PAK3: variants seen among roughly 807,000 people sequenced by gnomAD.
PAK3 encodes p21 (RAC1) activated kinase 3.
A neutral mutation model predicts 41.0 loss-of-function variants in PAK3; 4 were observed. That is an observed-to-expected ratio of 0.10 (90% CI 0.05 to 0.22). PAK3 has a LOEUF of 0.22. Ranked by LOEUF, PAK3 falls within the 10% of genes least tolerant of loss-of-function variation. PAK3 has a pLI of 1.00. For missense variants in PAK3, 205 were observed against 409.9 expected, an observed-to-expected ratio of 0.50 and a Z score of 4.32; for synonymous variants, 146 against 139.6, an observed-to-expected ratio of 1.05 and a Z score of -0.32.
chrX:111,033,385 C>T (rs1432512167), intron 1 of PAK3, among the ~76,000 whole-genome samples: 2 of 112,064 alleles, frequency 1.8e-5, no homozygotes, highest in Admixed American at 9.5e-5. Flanking sequence ...GCCTAAATGT[C>T]GAGGTCAGGT....
At chrX:111,113,908 G>A (rs1416917061) in intron 4 of PAK3, among the ~76,000 whole-genome samples, 10 of 111,624 alleles carry the variant, frequency 9.0e-5, no homozygotes, top group Non-Finnish European at 1.9e-4. Context: ...AGATTGCTCA[G>A]AATGATGGTT....
At chrX:111,217,620 G>T (rs922322757) in intron 17 of PAK3, 2 of 958,725 alleles carry the variant, frequency 2.1e-6, no homozygotes, top group African/African-American at 2.0e-5. Flanking sequence ...AAACCTATTT[G>T]GAGAAACTGA....
At chrX:111,208,682 C>G (rs942074233) in intron 16 of PAK3, among the ~76,000 whole-genome samples, 3 of 111,967 alleles carry the variant, frequency 2.7e-5, no homozygotes, top group African/African-American at 9.8e-5. Flanking sequence ...TAAGTGCACT[C>G]TATGATGTTC....
intron 8 of PAK3, among the ~76,000 whole-genome samples, chrX:111,160,622 C>G (rs1432483977): frequency 9.2e-6 from 1 of 108,901 alleles, no homozygotes; most frequent in South Asian, 4.1e-4. Flanking sequence ...CCCGCTCCCC[C>G]CACCCCACAA....
At chrX:111,095,988 C>T (rs993064235), upstream of PAK3, among the ~76,000 whole-genome samples, 1 of 111,519 alleles carries the variant, frequency 9.0e-6, no homozygotes, top group Non-Finnish European at 1.9e-5. Flanking sequence ...TCTCCTTTCC[C>T]TTTCCCTCTC....
At chrX:110,950,777 C>T (rs2090728436) in intron 1 of PAK3, among the ~76,000 whole-genome samples, 1 of 111,697 alleles carries the variant, frequency 9.0e-6, no homozygotes, top group Non-Finnish European at 1.9e-5. Context: ...GTACATACAA[C>T]TCTGCATACC....
At chrX:110,995,825 G>A (rs1337020809) in intron 1 of PAK3, among the ~76,000 whole-genome samples, 1 of 111,285 alleles carries the variant, frequency 9.0e-6, no homozygotes, top group Non-Finnish European at 1.9e-5. Context: ...GATACACCAA[G>A]CTCATCCCTG....
intron 1 of PAK3, among the ~76,000 whole-genome samples, chrX:111,074,115 A>G (rs1010411629): frequency 8.9e-6 from 1 of 112,398 alleles, no homozygotes; most frequent in Non-Finnish European, 1.9e-5. Context: ...CCATATGATC[A>G]TTTCAATAGA....
chrX:110,975,835 AC>A (rs1318592281), intron 1 of PAK3, among the ~76,000 whole-genome samples: 3 of 111,780 alleles, frequency 2.7e-5, no homozygotes, highest in Non-Finnish European at 5.6e-5. Context: ...TCTTTGACAA[AC>A]CTGACAAAAA....
chrX:111,048,092 A>G (rs1207207185), intron 1 of PAK3, among the ~76,000 whole-genome samples: 2 of 110,857 alleles, frequency 1.8e-5, no homozygotes, highest in Non-Finnish European at 3.8e-5. Context: ...CAATATCCTC[A>G]TATTTTTGTG....
intron 5 of PAK3, among the ~76,000 whole-genome samples, chrX:111,133,788 C>T (rs2093751378): frequency 8.9e-6 from 1 of 112,012 alleles, no homozygotes; most frequent in Non-Finnish European, 1.9e-5. Flanking sequence ...ATTAACAAGG[C>T]TTCAAATGTT....
At chrX:111,004,554 T>C (rs771837804) in intron 1 of PAK3, among the ~76,000 whole-genome samples, 9 of 112,653 alleles carry the variant, frequency 8.0e-5, no homozygotes, top group Non-Finnish European at 1.1e-4. Flanking sequence ...AGTGAAGCTA[T>C]GTGAAATATT....
chrX:110,957,755 A>T (rs979029729), intron 1 of PAK3, among the ~76,000 whole-genome samples: 6 of 111,682 alleles, frequency 5.4e-5, no homozygotes, highest in Non-Finnish European at 7.5e-5. Context: ...TCCTTCTCAG[A>T]CCATGTCACT....
chrX:111,124,711 C>T (rs1384767487), intron 5 of PAK3, among the ~76,000 whole-genome samples: 2 of 111,300 alleles, frequency 1.8e-5, no homozygotes, highest in African/African-American at 6.5e-5. Context: ...ATAATGAAAC[C>T]CTTGCTGCTC....
rs2094945859 is a variant in PAK3 at position 111,224,866 on chromosome X, C to T, written c.*4419C>T. On this transcript the variant is annotated 3_prime_UTR_variant, in exon 18 of 18. Coordinates refer to ENST00000372007, the MANE Select transcript of PAK3 (RefSeq NM_002578.5). The stretch of plus-strand genomic sequence containing the variant: ...GGCTTTTTATTGGTCATTCTCAATA[C>T]AGAAATACTTAGGGGAGTCTTAACC... The T allele has an allele frequency of 8.9e-6, 1 of 112,339 alleles. No individual in the cohort carries two copies. Among genetic ancestry groups the T allele is most frequent in the Non-Finnish European group, 1.9e-5 (1 of 53,298 alleles). The allele number at this position is 112,339 out of a possible 1,213,427, so 9.3% of individuals were successfully genotyped here. A position where few individuals can be genotyped will look rare whatever the true frequency, so the allele number is the denominator to read the frequency against.
chrX:111,208,585 CACATGCTGT>C (rs1378205619), intron 16 of PAK3, among the ~76,000 whole-genome samples: 2 of 112,290 alleles, frequency 1.8e-5, no homozygotes, highest in African/African-American at 6.5e-5. Context: ...TCAATACAGT[CACATGCTGT>C]ACAGATTTAT....
At chrX:110,981,986 G>T (rs1034680666) in intron 1 of PAK3, among the ~76,000 whole-genome samples, 2 of 110,978 alleles carry the variant, frequency 1.8e-5, no homozygotes, top group African/African-American at 6.6e-5. Flanking sequence ...TAGAAATTGG[G>T]ATAATGCTGG....
At chrX:111,041,148 G>A (rs758988890) in intron 1 of PAK3, among the ~76,000 whole-genome samples, 2 of 112,719 alleles carry the variant, frequency 1.8e-5, no homozygotes, top group Non-Finnish European at 3.8e-5. Context: ...GAAGCCTTGC[G>A]GTTGCAGAGC....
rs187370836 is a variant in PAK3 at position 111,202,264 on chromosome X, C to T, written c.1407+5624C>T. 4.5e-5 allele frequency among the ~76,000 whole-genome samples: 5 copies of T among 111,481 alleles called. No individual in the cohort carries two copies. The East Asian group carries it at 1.4e-3, about 32-fold the overall frequency. On this transcript the variant is annotated intron_variant, in intron 16 of 17. Coordinates refer to ENST00000372007, the MANE Select transcript of PAK3 (RefSeq NM_002578.5). ...CTGAGATTTTTTAATGTAAATGTTG[C>T]TATACTAATTGACCTAATTTGTTCA...
Sources: gnomAD v4.1 joint callset for allele counts (sites outside exome capture counted in the v4.1 genomes callset) on GRCh38, gnomAD v4.1.1 for gene constraint, MANE v1.5 for transcripts, NCBI Gene and HGNC (gene_info 2026-07-23, HGNC 2026-07-21) for gene names.